The following DNAJC13 variants were observed in gnomAD, a reference collection of about 807,000 sequenced individuals.
The protein encoded by DNAJC13 is DnaJ heat shock protein family (Hsp40) member C13.
DNAJC13 carries 75 observed loss-of-function variants against 290.5 expected under a neutral mutation model. The ratio of observed to expected loss-of-function variants is 0.26; its 90% CI spans 0.21 to 0.31. The LOEUF is 0.31. Among genes scored for constraint, DNAJC13 ranks in the 10% least tolerant of loss-of-function variants. DNAJC13 has a pLI of 1.00. For missense variants in DNAJC13, 2,260 were observed against 2,674.5 expected (o/e 0.85, Z 3.42); for synonymous variants, 862 against 892.0 (o/e 0.97, Z 0.60).
Position 132,457,349 on chromosome 3 carries a change from T to C in DNAJC13, c.1430T>C (p.Met477Thr), listed in dbSNP as rs564818895. 33 of 1,613,630 alleles carry C rather than the reference T, an allele frequency of 2.0e-5. No individual in the cohort carries two copies. The East Asian group carries it at 4.2e-4, about 21-fold the overall frequency. The change falls in exon 13 of 56, where the codon ATG becomes ACG. Residue 477 changes from methionine (M) to threonine (T), a missense_variant. Coordinates refer to ENST00000260818, the MANE Select transcript of DNAJC13 (RefSeq NM_015268.4). Reference protein sequence around the residue: ...NNGIIHAAVDMLCALMCPMHD... With the variant: ...NNGIIHAAVDTLCALMCPMHD... ...GGAATAATCCATGCAGCAGTTGATA[T>C]GCTTTGTGCCCTTATGTGTGTAAGT...
intron 48 of DNAJC13, among the ~76,000 whole-genome samples, chr3:132,522,013 C>T (rs966588514): frequency 4.6e-5 from 7 of 152,144 alleles, no homozygotes; most frequent in African/African-American, 1.7e-4. Context: ...TAGTATATCT[C>T]TGGCAGTTAT....
intron 48 of DNAJC13, among the ~76,000 whole-genome samples, chr3:132,519,248 C>A (rs565493155): frequency 1.9e-4 from 29 of 152,268 alleles, no homozygotes; most frequent in Admixed American, 1.2e-3. Context: ...ATTTTCCATT[C>A]CCCTAGCAAT....
intron 46 of DNAJC13, 61 bp from the exon 47 acceptor site, chr3:132,516,361 G>A: frequency 6.6e-7 from 1 of 1,504,406 alleles, no homozygotes; most frequent in Non-Finnish European, 9.2e-7. Context: ...CACAGAGCTG[G>A]TGCCAAGTAA....
intron 1 of DNAJC13, among the ~76,000 whole-genome samples, chr3:132,418,630 C>G (rs777389447): frequency 6.6e-6 from 1 of 152,156 alleles, no homozygotes; most frequent in Non-Finnish European, 1.5e-5. Flanking sequence ...TCTGATTTCC[C>G]TCAAAAAGGA....
chr3:132,433,022 A>C (rs1008427470), intron 1 of DNAJC13, among the ~76,000 whole-genome samples: 6 of 152,234 alleles, frequency 3.9e-5, no homozygotes, highest in Non-Finnish European at 1.5e-5. Context: ...CTTAAAAATA[A>C]TTTTCTTATA....
At chr3:132,436,995 C>T (rs1939402134) in intron 2 of DNAJC13, among the ~76,000 whole-genome samples, 1 of 151,778 alleles carries the variant, frequency 6.6e-6, no homozygotes, top group African/African-American at 2.4e-5. Context: ...TCTCCTGCCT[C>T]AGTCTCCCGA....
intron 51 of DNAJC13, 74 bp from the exon 52 acceptor site, chr3:132,525,536 C>A: frequency 6.7e-7 from 1 of 1,482,422 alleles, no homozygotes; most frequent in Non-Finnish European, 9.1e-7. Flanking sequence ...TTTTGAACAC[C>A]AAATACATTA....
intron 55 of DNAJC13, among the ~76,000 whole-genome samples, chr3:132,531,318 T>G (rs1351317913): frequency 6.6e-6 from 1 of 152,230 alleles, no homozygotes; most frequent in Non-Finnish European, 1.5e-5. Context: ...GCATGTATTT[T>G]GTTCAGTTTT....
chr3:132,418,644 T>G (rs1203748343), intron 1 of DNAJC13, among the ~76,000 whole-genome samples: 1 of 152,220 alleles, frequency 6.6e-6, no homozygotes, highest in African/African-American at 2.4e-5. Flanking sequence ...AAAAGGAGGT[T>G]CTGTACCTGA....
Position 132,516,758 on chromosome 3 carries a change from G to C in DNAJC13, c.5615G>C (p.Arg1872Pro). The change falls in exon 48 of 56, where the codon CGA becomes CCA. Residue 1872 changes from arginine to proline, a missense_variant. Arg to Pro is a moderately radical substitution (Grantham distance 103, BLOSUM62 -2). This residue lies in a region of DNAJC13 where 1,494 missense variants were observed against 1,693.7 expected (regional missense o/e 0.88). Coordinates refer to ENST00000260818, the MANE Select transcript of DNAJC13 (RefSeq NM_015268.4). ...MFCNSTHPQV[R>P]AQTAELFAKM... ...TGCAATTCAACACATCCACAGGTTCGAGCCCAAACAGCAGAACTTTTTGCC... is the reference window on the plus strand; with the variant it reads ...TGCAATTCAACACATCCACAGGTTCCAGCCCAAACAGCAGAACTTTTTGCC... 3 of 1,613,538 alleles carry C rather than the reference G, an allele frequency of 1.9e-6. No homozygotes were observed. The highest frequency in any genetic ancestry group is 1.7e-6 in the Non-Finnish European group (2 of 1,179,666).
chr3:132,472,224 T>C (rs867440816), intron 20 of DNAJC13, among the ~76,000 whole-genome samples: 104 of 151,634 alleles, frequency 6.9e-4, no homozygotes, highest in African/African-American at 2.3e-3. Context: ...AGGGAGACCG[T>C]GGGGAGAGGG....
Position 132,457,283 on chromosome 3 carries a change from TA to T in DNAJC13, c.1365del (p.Val457Ter). The T allele has an allele frequency of 6.2e-7, 1 of 1,609,892 alleles. No homozygotes were observed. The highest frequency in any genetic ancestry group is 8.5e-7 in the Non-Finnish European group (1 of 1,178,724). On this transcript the variant is annotated frameshift_variant, in exon 13 of 56. Transcript: ENST00000260818. LOFTEE classifies it high-confidence loss of function. The part of the protein sequence containing the change: ...FTQLPKFRER[L>X]GVKVVKALKR... Reference sequence around the variant, plus strand: ...TGTTCCAAAAGGTTTCGCGAGCGTCTAGGGGTGAAGGTAGTAAAAGCACTCA... The same window carrying T: ...TGTTCCAAAAGGTTTCGCGAGCGTCTGGGGTGAAGGTAGTAAAAGCACTCA...
At chr3:132,480,585 T>C (rs1934635114) in intron 26 of DNAJC13, 115 bp downstream of exon 26, 1 of 701,790 alleles carries the variant, frequency 1.4e-6, no homozygotes, top group South Asian at 1.9e-5. Context: ...TTCCAGTAAT[T>C]ACAGTAGTAC....
At chr3:132,475,429 A>C (rs1051881284) in intron 22 of DNAJC13, among the ~76,000 whole-genome samples, 3 of 151,230 alleles carry the variant, frequency 2.0e-5, no homozygotes, top group Non-Finnish European at 2.9e-5. Context: ...GTTCCTTGTA[A>C]CTTGTTTGAT....
At position 132,466,470 on chromosome 3, in the gene DNAJC13, G is replaced by A. The variant is rs570086951; in HGVS notation, c.2064+76G>A. 41 of 1,232,984 alleles carry A rather than the reference G, an allele frequency of 3.3e-5. No individual in the cohort carries two copies. The South Asian group carries it at 4.5e-4, about 13-fold the overall frequency. 76.4% of individuals were successfully genotyped at this position (1,232,984 alleles called of 1,614,324 possible). Reference sequence around the variant, plus strand: ...ATATATATGTCTTTTTTTGAAACACGTTAAAAATTTTAGAAACAAAGAATT... The same window carrying A: ...ATATATATGTCTTTTTTTGAAACACATTAAAAATTTTAGAAACAAAGAATT... On this transcript the variant is annotated intron_variant, in intron 19 of 55. Transcript: ENST00000260818.
chr3:132,479,394 TCTC>T, intron 25 of DNAJC13, 105 bp downstream of exon 25: 1 of 785,924 alleles, frequency 1.3e-6, no homozygotes, highest in Non-Finnish European at 2.1e-6. Context: ...TTTTCTGTCT[TCTC>T]CTTTTTAGAC....
chr3:132,445,744 A>G (rs1933226239), intron 2 of DNAJC13, among the ~76,000 whole-genome samples: 1 of 152,052 alleles, frequency 6.6e-6, no homozygotes, highest in South Asian at 2.1e-4. Flanking sequence ...TTTGTTTTAT[A>G]TATACTAATG....
At chr3:132,440,102 A>G (rs1196464766) in intron 2 of DNAJC13, among the ~76,000 whole-genome samples, 1 of 152,224 alleles carries the variant, frequency 6.6e-6, no homozygotes, top group Non-Finnish European at 1.5e-5. Flanking sequence ...TACTAAAAAC[A>G]CAAAAATTAT....
At chr3:132,449,269 T>C (rs1400494511) in intron 5 of DNAJC13, among the ~76,000 whole-genome samples, 3 of 150,968 alleles carry the variant, frequency 2.0e-5, no homozygotes, top group Non-Finnish European at 4.4e-5. Flanking sequence ...TTCTCAAAAG[T>C]CCTTCTTGGT....
Sources: gnomAD v4.1 joint callset for allele counts (sites outside exome capture counted in the v4.1 genomes callset) on GRCh38, gnomAD v4.1.1 for gene constraint, gnomAD v4.1.1 regional missense constraint, MANE v1.5 for transcripts, NCBI Gene and HGNC (gene_info 2026-07-23, HGNC 2026-07-21) for gene names.